SH2D4A: variants seen among roughly 807,000 people sequenced by gnomAD.
SH2D4A encodes the protein SH2 domain-containing protein 4A.
Under a neutral mutation model 64.7 loss-of-function variants are expected in SH2D4A, and 70 were observed. That is an observed-to-expected ratio of 1.08 (90% confidence interval 0.89 to 1.32). SH2D4A has a LOEUF of 1.32. Among genes scored for constraint, SH2D4A ranks in the 40% most tolerant of loss-of-function variants. SH2D4A has a pLI of 0.00. For synonymous variants in SH2D4A, 268 were observed against 200.7 expected, an observed-to-expected ratio of 1.34 and a Z score of -2.83; for missense variants, 706 against 540.1, an observed-to-expected ratio of 1.31 and a Z score of -3.04.
At chr8:19,368,697 A>G (rs1005143400) in intron 7 of SH2D4A, among the ~76,000 whole-genome samples, 1 of 150,816 alleles carries the variant, frequency 6.6e-6, no homozygotes, top group Non-Finnish European at 1.5e-5. Context: ...CATATACTAC[A>G]ATTTCCCTGA....
At chr8:19,336,208 A>T (rs571184258) in intron 4 of SH2D4A, among the ~76,000 whole-genome samples, 33 of 152,150 alleles carry the variant, frequency 2.2e-4, no homozygotes, top group Non-Finnish European at 3.7e-4. Context: ...TCTTATTCAA[A>T]CCCAGGTCTG....
intron 4 of SH2D4A, among the ~76,000 whole-genome samples, chr8:19,351,183 C>A (rs1403382151): frequency 6.6e-6 from 1 of 152,120 alleles, no homozygotes; most frequent in African/African-American, 2.4e-5. Flanking sequence ...TGGGAAACTG[C>A]CTTTTTGTTT....
chr8:19,373,028 A>G lies in SH2D4A; in HGVS notation c.918-502A>G, dbSNP rs146922970. Among the ~76,000 whole-genome samples, 1,214 of 152,214 alleles carry G rather than the reference A, an allele frequency of 8.0e-3. 9 individuals are homozygous for G. Among genetic ancestry groups the G allele is most frequent in the African/African-American group, 0.028 (1,158 of 41,540 alleles). On this transcript the variant is annotated intron_variant, in intron 7 of 9. Transcript: ENST00000265807. ...GCTTTCCAGGAAAATGTGCTGGGGT[A>G]AAAGTGTATTTTGCCTTTTAATGCT...
chr8:19,344,086 G>A (rs2052572639), intron 4 of SH2D4A, among the ~76,000 whole-genome samples: 1 of 152,140 alleles, frequency 6.6e-6, no homozygotes, highest in Non-Finnish European at 1.5e-5. Flanking sequence ...ATGCTAACAG[G>A]TCACCTTATG....
chr8:19,383,251 T>C (rs1251509444), intron 8 of SH2D4A, among the ~76,000 whole-genome samples: 1 of 152,152 alleles, frequency 6.6e-6, no homozygotes, highest in Non-Finnish European at 1.5e-5. Context: ...ATTTTGTTCT[T>C]TCTGTTCCTC....
At chr8:19,355,244 A>G (rs911913431) in intron 4 of SH2D4A, among the ~76,000 whole-genome samples, 1 of 152,176 alleles carries the variant, frequency 6.6e-6, no homozygotes, top group African/African-American at 2.4e-5. Context: ...ATCTTATATC[A>G]TCAAAGAAAG....
At chr8:19,358,213 C>T (rs1449309439) in intron 5 of SH2D4A, among the ~76,000 whole-genome samples, 1 of 152,112 alleles carries the variant, frequency 6.6e-6, no homozygotes, top group African/African-American at 2.4e-5. Flanking sequence ...GACAAAGGAT[C>T]GTATATTCAT....
chr8:19,314,239 G>A (rs1301526234), intron 1 of SH2D4A, among the ~76,000 whole-genome samples: 1 of 152,190 alleles, frequency 6.6e-6, no homozygotes, highest in Non-Finnish European at 1.5e-5. Flanking sequence ...CCCCGGGAGG[G>A]TCCGGGCTGG....
chr8:19,365,284 G>A (rs1235927211), intron 7 of SH2D4A, among the ~76,000 whole-genome samples: 1 of 152,138 alleles, frequency 6.6e-6, no homozygotes, highest in African/African-American at 2.4e-5. Flanking sequence ...TCCGTTTCGG[G>A]AAGTGGGGAC....
At position 19,329,200 on chromosome 8, in the gene SH2D4A, T is replaced by C. The variant is rs75545979; in HGVS notation, c.182-3755T>C. On this transcript the variant is annotated intron_variant, in intron 2 of 9. Transcript: ENST00000265807. ...AAATTCCATATCCATCCTCCCATACTCAGTACAAAGAACTTGTCGTATTTC... is the reference window on the plus strand; with the variant it reads ...AAATTCCATATCCATCCTCCCATACCCAGTACAAAGAACTTGTCGTATTTC... Among the ~76,000 whole-genome samples the C allele has an allele frequency of 5.8e-3, 887 of 152,272 alleles. 7 individuals are homozygous for C. Among genetic ancestry groups the C allele is most frequent in the African/African-American group, 0.02 (832 of 41,542 alleles).
At chr8:19,330,533 T>G (rs2052352468) in intron 2 of SH2D4A, among the ~76,000 whole-genome samples, 1 of 152,146 alleles carries the variant, frequency 6.6e-6, no homozygotes, top group Non-Finnish European at 1.5e-5. Flanking sequence ...TGCTCTCTTC[T>G]CTGTGTTTAG....
intron 8 of SH2D4A, among the ~76,000 whole-genome samples, chr8:19,387,938 GA>G (rs1375732988): frequency 6.6e-6 from 1 of 152,150 alleles, no homozygotes; most frequent in Non-Finnish European, 1.5e-5. Flanking sequence ...TAATAGTTCT[GA>G]TCCTTGACTC....
intron 4 of SH2D4A, among the ~76,000 whole-genome samples, chr8:19,341,970 G>A (rs1321631455): frequency 6.6e-6 from 1 of 152,136 alleles, no homozygotes; most frequent in Non-Finnish European, 1.5e-5. Context: ...TGTGGAGAAT[G>A]GGTGAAAATT....
chr8:19,352,024 C>T lies in SH2D4A; in HGVS notation c.514-5179C>T, dbSNP rs142666928. ...TCTTGAACTCCTGATCTCAGGTGAT[C>T]CGCCTGCCTCAGCTTTCCAAAGTGC... is the stretch of plus-strand genomic sequence containing the variant. On this transcript the variant is annotated intron_variant, in intron 4 of 9. Transcript: ENST00000265807. Among the ~76,000 whole-genome samples the T allele has an allele frequency of 1.6e-3, 247 of 152,278 alleles. 1 individual carries two copies. The highest frequency in any genetic ancestry group is 5.8e-3 in the African/African-American group (239 of 41,546).
chr8:19,330,131 A>G (rs35073512), intron 2 of SH2D4A, among the ~76,000 whole-genome samples: 35,423 of 152,062 alleles, frequency 0.23, 4,406 homozygotes, highest in Middle Eastern at 0.35. Flanking sequence ...CTAATAGCAA[A>G]AACTCATTTT....
chr8:19,357,787 T>TC (rs1438178825), intron 5 of SH2D4A, among the ~76,000 whole-genome samples: 1 of 152,186 alleles, frequency 6.6e-6, no homozygotes, highest in Non-Finnish European at 1.5e-5. Flanking sequence ...CCCTGCTTCC[T>TC]CCGTCGTGTG....
chr8:19,315,087 CAGTT>C (rs80121009), intron 1 of SH2D4A, among the ~76,000 whole-genome samples: 21,487 of 151,468 alleles, frequency 0.14, 1,758 homozygotes, highest in East Asian at 0.27. Context: ...AAAAAAACCG[CAGTT>C]ACTTTTTTTT....
chr8:19,344,775 CT>C (rs11326703), intron 4 of SH2D4A, among the ~76,000 whole-genome samples: 115,988 of 151,798 alleles, frequency 0.76, 44,783 homozygotes, highest in African/African-American at 0.86. Flanking sequence ...CAGATTTCAG[CT>C]TTTTTTTCCC....
intron 8 of SH2D4A, among the ~76,000 whole-genome samples, chr8:19,388,053 C>T (rs996542273): frequency 6.6e-6 from 1 of 152,150 alleles, no homozygotes; most frequent in Non-Finnish European, 1.5e-5. Flanking sequence ...ACATACGTAA[C>T]CAATCAAAAA....
Sources: allele counts gnomAD v4.1 joint callset (sites outside exome capture counted in the v4.1 genomes callset), GRCh38; gene constraint gnomAD v4.1.1; transcripts MANE v1.5; gene names NCBI Gene and HGNC (gene_info 2026-07-23, HGNC 2026-07-21).